CACNA1C: variants seen among roughly 807,000 people sequenced by gnomAD.
CACNA1C encodes voltage-dependent L-type calcium channel subunit alpha-1C.
A neutral mutation model predicts 229.0 loss-of-function variants in CACNA1C; 30 were observed. That is an observed-to-expected ratio of 0.13 (90% CI 0.10 to 0.18). CACNA1C has a LOEUF of 0.18. Among genes scored for constraint, CACNA1C ranks in the 10% least tolerant of loss-of-function variants. The pLI is 1.00. For synonymous variants in CACNA1C, 1,114 were observed against 1,132.5 expected (o/e 0.98, Z 0.33); for missense variants, 1,658 against 2,845.0 (o/e 0.58, Z 9.49).
chr12:2,207,959 G>C (rs927589503), intron 3 of CACNA1C, among the ~76,000 whole-genome samples: 8 of 152,150 alleles, frequency 5.3e-5, no homozygotes, highest in African/African-American at 1.9e-4. Context: ...GTGTTTTTAG[G>C]GAGACAGAAC....
At position 2,566,782 on chromosome 12, in the gene CACNA1C, A is replaced by G. The variant is rs1199167082; in HGVS notation, c.1669+200A>G. On this transcript the variant is annotated intron_variant, in intron 12 of 46. Transcript: ENST00000399655. The surrounding 1 kb of genome is among the most constrained non-coding windows in gnomAD (Gnocchi z 4.0). ...AAATGCGCTACCTTGTTAAAAACAG[A>G]CACGGCTCTCCTGACTGGGCCCACA... Among the ~76,000 whole-genome samples, 2 of 152,198 alleles carry G rather than the reference A, an allele frequency of 1.3e-5. No individual in the cohort carries two copies. The highest frequency in any genetic ancestry group is 2.1e-4 in the South Asian group (1 of 4,826).
In CACNA1C at chr12:2,113,057, A is replaced by G. The variant is rs184014798; in HGVS notation, c.50-2167A>G. On this transcript the variant is annotated intron_variant, in intron 1 of 46. Transcript: ENST00000399655. Reference sequence around the variant, plus strand: ...TAAACATCACAGTGTGTGGGGGAAAATCACTTGGAGAAGGGGAGGCTCAGC... The same window carrying G: ...TAAACATCACAGTGTGTGGGGGAAAGTCACTTGGAGAAGGGGAGGCTCAGC... 1.2e-4 allele frequency among the ~76,000 whole-genome samples: 18 copies of G among 152,154 alleles called. No individual in the cohort carries two copies. In the East Asian group the frequency reaches 2.9e-3, roughly 25 times the overall value.
chr12:2,004,263 C>T (rs2042896958), intron 1 of CACNA1C: 1 of 1,612,574 alleles, frequency 6.2e-7, no homozygotes, highest in Middle Eastern at 1.7e-4. Context: ...CTGCACTGCT[C>T]CGCCGCGTCC....
intron 3 of CACNA1C, among the ~76,000 whole-genome samples, chr12:2,447,948 G>A (rs2099315520): frequency 6.6e-6 from 1 of 152,274 alleles, no homozygotes; most frequent in African/African-American, 2.4e-5. Flanking sequence ...CAATGTGGAT[G>A]GGTGTTTCGT....
chr12:2,480,363 G>A (rs2099670564), intron 5 of CACNA1C, among the ~76,000 whole-genome samples: 1 of 152,150 alleles, frequency 6.6e-6, no homozygotes, highest in East Asian at 1.9e-4. Flanking sequence ...AAGCCTTTCT[G>A]CAGCCTCCAT....
intron 3 of CACNA1C, among the ~76,000 whole-genome samples, chr12:2,337,353 C>T (rs897095053): frequency 2.6e-5 from 4 of 152,204 alleles, no homozygotes; most frequent in African/African-American, 7.2e-5. Flanking sequence ...GACTTAGACT[C>T]CTTTTGGAGC....
chr12:2,616,452 A>G (rs216011), intron 29 of CACNA1C, among the ~76,000 whole-genome samples: 136,243 of 152,238 alleles, frequency 0.89, 62,848 homozygotes, highest in East Asian at 1. Flanking sequence ...TCCCACTGTC[A>G]GTTGCCCCAG....
At chr12:2,139,316 G>A (rs750342714) in intron 3 of CACNA1C, among the ~76,000 whole-genome samples, 2 of 151,146 alleles carry the variant, frequency 1.3e-5, no homozygotes. Flanking sequence ...CCTCTGATAA[G>A]GACAGCAGTC....
intron 3 of CACNA1C, among the ~76,000 whole-genome samples, chr12:2,127,675 C>T (rs536503391): frequency 2.6e-5 from 4 of 152,220 alleles, no homozygotes; most frequent in East Asian, 1.9e-4. Flanking sequence ...AGTGCTTCTA[C>T]GGAGTCAGTT....
chr12:2,254,135 G>A (rs572848299), intron 3 of CACNA1C, among the ~76,000 whole-genome samples: 16 of 152,252 alleles, frequency 1.1e-4, no homozygotes, highest in South Asian at 6.2e-4. Flanking sequence ...AGAAAAACTC[G>A]CAATGCAAAA....
At position 2,209,256 on chromosome 12, in the gene CACNA1C, G is replaced by T. The variant is rs577820847; in HGVS notation, c.477+88826G>T. Among the ~76,000 whole-genome samples the T allele has an allele frequency of 4.6e-5, 7 of 152,338 alleles. No individual in the cohort carries two copies. The South Asian group carries it at 1.5e-3, about 32-fold the overall frequency. ...AACAATAATCATCCTAAAAACCTGT[G>T]TAAGCCTCCCCTCTGCAAACCAGTA... is the stretch of plus-strand genomic sequence containing the variant. On this transcript the variant is annotated intron_variant, in intron 3 of 46. Coordinates refer to ENST00000399655, the MANE Select transcript of CACNA1C (RefSeq NM_000719.7).
Position 2,678,181 on chromosome 12 carries a change from C to A in CACNA1C, c.5091+314C>A, listed in dbSNP as rs993247561. 6.6e-6 allele frequency among the ~76,000 whole-genome samples: 1 copy of A among 152,204 alleles called. No individual in the cohort carries two copies. The highest frequency in any genetic ancestry group is 2.4e-5 in the African/African-American group (1 of 41,460). On this transcript the variant is annotated intron_variant, in intron 41 of 46. Coordinates refer to ENST00000399655, the MANE Select transcript of CACNA1C (RefSeq NM_000719.7). This position sits in a 1 kb window ranked among gnomAD's most constrained non-coding sequence, Gnocchi z 4.1. ...ATTAGAAGTTGCAGAGTGGTCACCCCTGGGGCACATCTAATCTGCAGGCTT... is the reference window on the plus strand; with the variant it reads ...ATTAGAAGTTGCAGAGTGGTCACCCATGGGGCACATCTAATCTGCAGGCTT...
At chr12:2,255,844 A>T in intron 3 of CACNA1C, among the ~76,000 whole-genome samples, 1 of 152,222 alleles carries the variant, frequency 6.6e-6, no homozygotes, top group Non-Finnish European at 1.5e-5. Flanking sequence ...CTAGTTTACA[A>T]TCACAGGATC....
Position 2,691,812 on chromosome 12 carries a change from C to G in CACNA1C, c.*613C>G, listed in dbSNP as rs2097791849. 1 of 152,230 alleles carries G rather than the reference C, an allele frequency of 6.6e-6. No individual in the cohort carries two copies. 9.4% of individuals were successfully genotyped at this position (152,230 alleles called of 1,614,324 possible). A position where few individuals can be genotyped will look rare whatever the true frequency, so the allele number is the denominator to read the frequency against. On this transcript the variant is annotated 3_prime_UTR_variant, in exon 47 of 47. Coordinates refer to ENST00000399655, the MANE Select transcript of CACNA1C (RefSeq NM_000719.7). Reference sequence around the variant, plus strand: ...GGCACGGGCCACGCCGAGCTCCCGGCCAGCCGCCGGCCCGCAGGCAGCGCG... The same window carrying G: ...GGCACGGGCCACGCCGAGCTCCCGGGCAGCCGCCGGCCCGCAGGCAGCGCG...
chr12:2,465,275 G>A (rs1035196117), intron 5 of CACNA1C, among the ~76,000 whole-genome samples: 3 of 152,208 alleles, frequency 2.0e-5, no homozygotes, highest in African/African-American at 4.8e-5. Context: ...TTAAATAGCA[G>A]TTTGAGACCA....
chr12:2,190,217 G>A (rs1040664282), intron 3 of CACNA1C, among the ~76,000 whole-genome samples: 6 of 152,198 alleles, frequency 3.9e-5, no homozygotes, highest in African/African-American at 7.2e-5. Context: ...GTGAAATGGC[G>A]TGTTTAAACA....
chr12:2,328,188 A>G lies in CACNA1C; in HGVS notation c.478-120788A>G, dbSNP rs557744676. 3.3e-5 allele frequency among the ~76,000 whole-genome samples: 5 copies of G among 152,200 alleles called. No homozygotes were observed. In the South Asian group the frequency reaches 1.0e-3, roughly 32 times the overall value. ...TGTAATATCTCTTGCCCCCCAAATG[A>G]TCCTTGAGCTTTCAAGGTTCACAGA... On this transcript the variant is annotated intron_variant, in intron 3 of 46. Coordinates refer to ENST00000399655, the MANE Select transcript of CACNA1C (RefSeq NM_000719.7).
chr12:2,686,218 G>A lies in CACNA1C; in HGVS notation c.5733G>A (p.Gly1911=), dbSNP rs769215743. ...LECLKRQKDR[G]GDISQKTVLP... ...GTCTGAAGCGACAGAAGGACCGAGGGGGAGACATCTCTCAGAAGACAGTCC... is the reference window on the plus strand; with the variant it reads ...GTCTGAAGCGACAGAAGGACCGAGGAGGAGACATCTCTCAGAAGACAGTCC... The change falls in exon 45 of 47, where the codon GGG becomes GGA. Residue 1911 remains glycine (G), a synonymous_variant. Coordinates refer to ENST00000399655, the MANE Select transcript of CACNA1C (RefSeq NM_000719.7). 2.2e-5 allele frequency: 35 copies of A among 1,613,600 alleles called. No individual in the cohort carries two copies. The highest frequency in any genetic ancestry group is 2.9e-5 in the Non-Finnish European group (34 of 1,179,884).
At chr12:2,404,943 G>A (rs1003433694) in intron 3 of CACNA1C, among the ~76,000 whole-genome samples, 1 of 152,148 alleles carries the variant, frequency 6.6e-6, no homozygotes, top group East Asian at 1.9e-4. Flanking sequence ...CAGTGCACAG[G>A]ACATAGTAGA....
Sources: gnomAD v4.1 joint callset for allele counts (sites outside exome capture counted in the v4.1 genomes callset) on GRCh38, gnomAD v4.1.1 for gene constraint, Gnocchi (gnomAD v3.1) non-coding constraint, MANE v1.5 for transcripts, NCBI Gene and HGNC (gene_info 2026-07-23, HGNC 2026-07-21) for gene names.